The following CATSPERD variants were observed in gnomAD, a reference collection of about 807,000 sequenced individuals.
The protein encoded by CATSPERD is catsper channel auxiliary subunit delta.
Under a neutral mutation model 98.1 loss-of-function variants are expected in CATSPERD, and 86 were observed. That is an observed-to-expected ratio of 0.88 (90% CI 0.74 to 1.05). The LOEUF is 1.05. CATSPERD is among the 50% of genes least tolerant of loss of function. The probability of loss-of-function intolerance (pLI) is 0.00; values close to 1 mark genes in which losing one functional copy is unlikely to be tolerated. For missense variants in CATSPERD, 995 were observed against 1,005.7 expected, an observed-to-expected ratio of 0.99 and a Z score of 0.14; for synonymous variants, 394 against 390.2, an observed-to-expected ratio of 1.01 and a Z score of -0.12.
At chr19:5,743,673 TCTCTCTCTTC>T (rs2056037781) in intron 7 of CATSPERD, among the ~76,000 whole-genome samples, 2 of 126,274 alleles carry the variant, frequency 1.6e-5, no homozygotes, top group South Asian at 2.5e-4. Flanking sequence ...TCTTCCTCTC[TCTCTCTCTTC>T]CTCTCTCTCT....
At chr19:5,730,509 C>T (rs1319914937) in intron 4 of CATSPERD, among the ~76,000 whole-genome samples, 1 of 151,516 alleles carries the variant, frequency 6.6e-6, no homozygotes, top group Admixed American at 6.6e-5. Flanking sequence ...AGGCACTGCA[C>T]TCCAGCCTGG....
At position 5,763,260 on chromosome 19, in the gene CATSPERD, C is replaced by G. The variant is rs771058134; in HGVS notation, c.1473C>G (p.Asn491Lys). Reference sequence around the variant, plus strand: ...CTACCTTAACTGTGGACATAGCAAACAAGGAAATTTCATGTGTGGATATCA... The same window carrying G: ...CTACCTTAACTGTGGACATAGCAAAGAAGGAAATTTCATGTGTGGATATCA... ...TMSTLTVDIANKEISCVDIKP... is the reference protein window; with the variant it reads ...TMSTLTVDIAKKEISCVDIKP... The change falls in exon 16 of 22, where the codon AAC (asparagine) becomes AAG (lysine). Residue 491 changes from asparagine (N) to lysine (K), a missense_variant. This residue lies in a region of CATSPERD where 762 missense variants were observed against 773.7 expected (regional missense o/e 0.98). Coordinates refer to ENST00000381624, the MANE Select transcript of CATSPERD (RefSeq NM_152784.4). 4 of 1,613,944 alleles carry G rather than the reference C, an allele frequency of 2.5e-6. No homozygotes were observed. The highest frequency in any genetic ancestry group is 2.5e-6 in the Non-Finnish European group (3 of 1,180,008).
At chr19:5,735,821 G>C (rs1055712824) in intron 5 of CATSPERD, among the ~76,000 whole-genome samples, 1 of 134,322 alleles carries the variant, frequency 7.4e-6, no homozygotes, top group Non-Finnish European at 1.6e-5. Flanking sequence ...CTGTCACCCA[G>C]GCTGGATGGC....
At chr19:5,751,169 G>A (rs1425581084) in intron 11 of CATSPERD, among the ~76,000 whole-genome samples, 4 of 122,306 alleles carry the variant, frequency 3.3e-5, no homozygotes, top group Non-Finnish European at 6.4e-5. Flanking sequence ...CTGCACTCCA[G>A]CCCAGGCGAC....
chr19:5,770,126 T>C (rs1183107060), intron 18 of CATSPERD, among the ~76,000 whole-genome samples: 2 of 145,770 alleles, frequency 1.4e-5, no homozygotes, highest in African/African-American at 5.1e-5. Flanking sequence ...TTTTTGCCAT[T>C]GAAAGTAATG....
At chr19:5,769,009 C>G (rs1169322841) in intron 18 of CATSPERD, among the ~76,000 whole-genome samples, 5 of 151,698 alleles carry the variant, frequency 3.3e-5, no homozygotes, top group Non-Finnish European at 7.4e-5. Context: ...CGAAAATTAG[C>G]CAGGCATGGT....
chr19:5,766,019 A>G, intron 16 of CATSPERD, 84 bp from the exon 17 acceptor site: 2 of 1,015,854 alleles, frequency 2.0e-6, no homozygotes. Context: ...CCATTCCCAC[A>G]GGAGTGTGTC....
At position 5,759,087 on chromosome 19, in the gene CATSPERD, A is replaced by G. The variant is rs762822788; in HGVS notation, c.1370A>G (p.Asp457Gly). 8.7e-6 allele frequency: 14 copies of G among 1,613,898 alleles called. No individual in the cohort carries two copies. The highest frequency in any genetic ancestry group is 1.2e-5 in the Non-Finnish European group (14 of 1,179,910). Residue 457 changes from aspartate to glycine, a missense_variant and splice_region_variant, in exon 15 of 22, where the codon GAT becomes GGT. This residue lies in a region of CATSPERD where 762 missense variants were observed against 773.7 expected (regional missense o/e 0.98). Coordinates refer to ENST00000381624, the MANE Select transcript of CATSPERD (RefSeq NM_152784.4). ...GGATTTTCTCTCTTGACCCCACAGG[A>G]TATTTTCCTAAAACAGCAGCAGCAC... The part of the protein sequence containing the change: ...TSDGNTKYKL[D>G]IFLKQQQHWG...
At chr19:5,751,594 C>T (rs2145783667) in intron 11 of CATSPERD, 53 bp from the exon 12 acceptor site, 1 of 759,738 alleles carries the variant, frequency 1.3e-6, no homozygotes, top group East Asian at 4.9e-5. Flanking sequence ...AAAATTTAAA[C>T]CTCCAGAAAA....
chr19:5,772,314 G>A (rs146614906), intron 19 of CATSPERD: 15,269 of 211,828 alleles, frequency 0.072, 970 homozygotes, highest in East Asian at 0.37. Flanking sequence ...CGCAAGCTCT[G>A]CCTCCCGGGT....
In CATSPERD at chr19:5,737,188, G is replaced by A. The variant is rs2055864115; in HGVS notation, c.442G>A (p.Gly148Arg). ...CTCTGGTGATAATTGTTGTTATACT[G>A]GAAGTTTGTTTTGTGTGGTAAGTAT... is the stretch of plus-strand genomic sequence containing the variant. ...HVSGDNCCYT[G>R]SLFCVHVSNL... The change falls in exon 6 of 22, where the codon GGA becomes AGA. Residue 148 changes from glycine to arginine, a missense_variant. By Grantham distance (125) the Gly-to-Arg change is moderately radical. This residue lies in a region of CATSPERD where 228 missense variants were observed against 209.6 expected (regional missense o/e 1.09). Transcript: ENST00000381624. 1 of 1,609,118 alleles carries A rather than the reference G, an allele frequency of 6.2e-7. No homozygotes were observed. Among genetic ancestry groups the A allele is most frequent in the Non-Finnish European group, 8.5e-7 (1 of 1,175,680 alleles).
chr19:5,748,952 A>G, intron 10 of CATSPERD, 149 bp from the exon 11 acceptor site: 1 of 500,158 alleles, frequency 2.0e-6, no homozygotes, highest in Non-Finnish European at 3.6e-6. Context: ...CTGGTCTCAA[A>G]CTCCTGGCCT....
Position 5,733,747 on chromosome 19 carries a change from C to T in CATSPERD, c.277-109C>T, listed in dbSNP as rs533725159. ...CTGGGATTACAAGCGAGGGCCACCGCGCCCGTCCATACATTTTTTTTTTTT... is the reference window on the plus strand; with the variant it reads ...CTGGGATTACAAGCGAGGGCCACCGTGCCCGTCCATACATTTTTTTTTTTT... On this transcript the variant is annotated intron_variant, in intron 4 of 21. Transcript: ENST00000381624. 70 of 747,578 alleles carry T rather than the reference C, an allele frequency of 9.4e-5. 1 individual carries two copies. The South Asian group carries it at 1.0e-3, about 11-fold the overall frequency. The allele number at this position is 747,578 out of a possible 1,614,324, so 46.3% of individuals were successfully genotyped here.
rs778837999 is a variant in CATSPERD at position 5,772,907 on chromosome 19, C to T, written c.1883C>T (p.Pro628Leu). ...CAGTCGGCCATGTGTACCTCCCAGCCGCAGAACTGGACCACCATGATAAAG... is the reference window on the plus strand; with the variant it reads ...CAGTCGGCCATGTGTACCTCCCAGCTGCAGAACTGGACCACCATGATAAAG... ...TAQSAMCTSQ[P>L]QNWTTMIKEF... Residue 628 changes from proline to leucine, a missense_variant, in exon 20 of 22, where the codon CCG becomes CTG. Pro to Leu is a moderately conservative substitution (Grantham distance 98). This residue lies in a region of CATSPERD where 762 missense variants were observed against 773.7 expected (regional missense o/e 0.98). Coordinates refer to ENST00000381624, the MANE Select transcript of CATSPERD (RefSeq NM_152784.4). 9.9e-6 allele frequency: 16 copies of T among 1,613,980 alleles called. No homozygotes were observed. Among genetic ancestry groups the T allele is most frequent in the Admixed American group, 3.3e-5 (2 of 59,980 alleles).
At chr19:5,734,494 TG>T (rs2055802694) in intron 5 of CATSPERD, among the ~76,000 whole-genome samples, 1 of 152,092 alleles carries the variant, frequency 6.6e-6, no homozygotes, top group African/African-American at 2.4e-5. Flanking sequence ...CAAAATTAGC[TG>T]GGCGTGGTGG....
intron 5 of CATSPERD, among the ~76,000 whole-genome samples, 156 bp downstream of exon 5, chr19:5,734,126 C>T (rs891746842): frequency 1.8e-4 from 28 of 152,132 alleles, no homozygotes; most frequent in African/African-American, 6.5e-4. Flanking sequence ...GGCCTGAGTC[C>T]CCATCCGTAG....
intron 16 of CATSPERD, among the ~76,000 whole-genome samples, chr19:5,765,157 G>C (rs1379994071): frequency 1.3e-5 from 2 of 151,252 alleles, no homozygotes; most frequent in African/African-American, 4.9e-5. Flanking sequence ...AATCCTACTG[G>C]CTCAGCCTCT....
chr19:5,764,175 C>A (rs931741386), intron 16 of CATSPERD, among the ~76,000 whole-genome samples: 3 of 151,384 alleles, frequency 2.0e-5, no homozygotes, highest in African/African-American at 7.3e-5. Flanking sequence ...GTCTTGTGAT[C>A]CTCCTGCCTC....
At chr19:5,743,350 C>T (rs1049100248) in intron 7 of CATSPERD, among the ~76,000 whole-genome samples, 2 of 151,244 alleles carry the variant, frequency 1.3e-5, no homozygotes, top group African/African-American at 4.9e-5. Context: ...GTAATCCCAG[C>T]ACTTTGGGAG....
Sources: gnomAD v4.1 joint callset for allele counts (sites outside exome capture counted in the v4.1 genomes callset) on GRCh38, gnomAD v4.1.1 for gene constraint, gnomAD v4.1.1 regional missense constraint, MANE v1.5 for transcripts, NCBI Gene and HGNC (gene_info 2026-07-23, HGNC 2026-07-21) for gene names.